The following PTPRO variants were observed in gnomAD, a reference collection of about 807,000 sequenced individuals.
PTPRO encodes protein tyrosine phosphatase receptor type O.
Under a neutral mutation model 145.2 loss-of-function variants are expected in PTPRO, and 62 were observed. That is an observed-to-expected ratio of 0.43 (90% CI 0.35 to 0.53). The LOEUF (loss-of-function observed/expected upper bound fraction) is 0.53. PTPRO is among the 20% of genes least tolerant of loss of function. PTPRO has a pLI of 0.01. For synonymous variants in PTPRO, 565 were observed against 514.7 expected (o/e 1.10, Z -1.32); for missense variants, 1,345 against 1,482.7 (o/e 0.91, Z 1.53).
intron 1 of PTPRO, among the ~76,000 whole-genome samples, chr12:15,437,946 T>C (rs1791359753): frequency 6.6e-6 from 1 of 152,188 alleles, no homozygotes; most frequent in African/African-American, 2.4e-5. Context: ...GTGTATTCTA[T>C]GAATCAACCC....
At chr12:15,574,299 C>T (rs1944128589) in intron 19 of PTPRO, among the ~76,000 whole-genome samples, 1 of 152,016 alleles carries the variant, frequency 6.6e-6, no homozygotes, top group African/African-American at 2.4e-5. Context: ...GTCTTGGGAC[C>T]CAGGGATTAA....
At chr12:15,386,468 ACATAT>A (rs768032108) in intron 1 of PTPRO, among the ~76,000 whole-genome samples, 29 of 152,310 alleles carry the variant, frequency 1.9e-4, no homozygotes, top group Non-Finnish European at 3.8e-4. Flanking sequence ...ATATACATAT[ACATAT>A]ATCTGATAAC....
intron 1 of PTPRO, among the ~76,000 whole-genome samples, chr12:15,444,303 G>C (rs1940846286): frequency 6.6e-6 from 1 of 151,994 alleles, no homozygotes; most frequent in Admixed American, 6.6e-5. Context: ...CGGACATAAA[G>C]ATGGCAACAA....
intron 1 of PTPRO, among the ~76,000 whole-genome samples, chr12:15,375,526 G>A (rs1166644731): frequency 6.6e-6 from 1 of 152,140 alleles, no homozygotes; most frequent in East Asian, 1.9e-4. Context: ...GGGAGGCCAA[G>A]GTGGGTGGAT....
rs780075054 is a variant in PTPRO at position 15,589,449 on chromosome 12, T to C, written c.3411-6T>C. The C allele has an allele frequency of 1.2e-6, 2 of 1,614,076 alleles. No homozygotes were observed. Among genetic ancestry groups the C allele is most frequent in the Non-Finnish European group, 1.7e-6 (2 of 1,179,988 alleles). On this transcript the variant is annotated splice_polypyrimidine_tract_variant and splice_region_variant and intron_variant, in intron 24 of 26. Transcript: ENST00000281171. Reference sequence around the variant, plus strand: ...AATAATATGCCATCGGAACATTCTTTTGCAGTGCTGGCGTGGGACGGACAG... The same window carrying C: ...AATAATATGCCATCGGAACATTCTTCTGCAGTGCTGGCGTGGGACGGACAG...
At chr12:15,339,313 T>C (rs1422540839) in intron 1 of PTPRO, among the ~76,000 whole-genome samples, 1 of 152,130 alleles carries the variant, frequency 6.6e-6, no homozygotes. Context: ...TGGGGACAGA[T>C]TCAGGTCCTG....
chr12:15,332,892 T>G (rs1866652995), intron 1 of PTPRO, among the ~76,000 whole-genome samples: 1 of 152,182 alleles, frequency 6.6e-6, no homozygotes, highest in Admixed American at 6.5e-5. Flanking sequence ...TCATGCATGT[T>G]ATGAATAACT....
chr12:15,337,495 T>G (rs180717894), intron 1 of PTPRO: 1 of 152,338 alleles, frequency 6.6e-6, no homozygotes, highest in East Asian at 1.9e-4. Flanking sequence ...AAACACGTTT[T>G]GTGCAGTATG....
At chr12:15,574,796 C>T (rs1055136057) in intron 19 of PTPRO, among the ~76,000 whole-genome samples, 1 of 152,108 alleles carries the variant, frequency 6.6e-6, no homozygotes, top group African/African-American at 2.4e-5. Context: ...GATTCAGAAA[C>T]AGTAATAGTT....
chr12:15,554,277 G>C (rs1301519648), intron 15 of PTPRO, among the ~76,000 whole-genome samples: 2 of 152,144 alleles, frequency 1.3e-5, no homozygotes, highest in Non-Finnish European at 2.9e-5. Context: ...GAGGATTCCA[G>C]GTCAGAGTTG....
At chr12:15,459,095 C>A (rs1271743348) in intron 1 of PTPRO, among the ~76,000 whole-genome samples, 1 of 152,150 alleles carries the variant, frequency 6.6e-6, no homozygotes, top group East Asian at 1.9e-4. Flanking sequence ...TGCTGGGACT[C>A]ATCTGCATTC....
At chr12:15,360,238 G>C (rs1000348897) in intron 1 of PTPRO, among the ~76,000 whole-genome samples, 44 of 152,058 alleles carry the variant, frequency 2.9e-4, no homozygotes, top group African/African-American at 8.5e-4. Flanking sequence ...TATCAGTGTG[G>C]CTCACTATTA....
Position 15,579,025 on chromosome 12 carries a change from C to A in PTPRO, c.2920+82C>A, listed in dbSNP as rs1030915138. 11 of 1,260,180 alleles carry A rather than the reference C, an allele frequency of 8.7e-6. No individual in the cohort carries two copies. The East Asian group carries it at 2.4e-4, about 27-fold the overall frequency. The allele number at this position is 1,260,180 out of a possible 1,614,324, so 78.1% of individuals were successfully genotyped here. On this transcript the variant is annotated intron_variant, in intron 20 of 26. Transcript: ENST00000281171. ...TTGCAGATTAATCAATTTCACCAAT[C>A]TCTGGCCATACCCACTTGTGGTCCG...
chr12:15,465,322 A>G (rs1941392566), intron 1 of PTPRO, among the ~76,000 whole-genome samples: 1 of 152,254 alleles, frequency 6.6e-6, no homozygotes, highest in Non-Finnish European at 1.5e-5. Flanking sequence ...TGAAGTTAAC[A>G]TTGTGAAATG....
chr12:15,482,481 G>A (rs953933159), intron 1 of PTPRO, among the ~76,000 whole-genome samples: 33 of 151,974 alleles, frequency 2.2e-4, no homozygotes, highest in Non-Finnish European at 1.3e-4. Flanking sequence ...GGACTATATT[G>A]ACACTTTATC....
chr12:15,435,845 C>T (rs994669136), intron 1 of PTPRO, among the ~76,000 whole-genome samples: 6 of 152,184 alleles, frequency 3.9e-5, no homozygotes, highest in Non-Finnish European at 5.9e-5. Flanking sequence ...GAAAACATTT[C>T]TTTCAACATG....
At chr12:15,373,950 C>T (rs1938606252) in intron 1 of PTPRO, among the ~76,000 whole-genome samples, 1 of 152,040 alleles carries the variant, frequency 6.6e-6, no homozygotes, top group Non-Finnish European at 1.5e-5. Flanking sequence ...GGGTCTCTAT[C>T]TTGGAGGTAA....
At chr12:15,594,131 C>T (rs1944608709) in intron 25 of PTPRO, among the ~76,000 whole-genome samples, 1 of 151,954 alleles carries the variant, frequency 6.6e-6, no homozygotes, top group Middle Eastern at 3.4e-3. Flanking sequence ...TTTTTCTTTT[C>T]CAGTTTGTGG....
chr12:15,442,306 TA>T (rs1940790464), intron 1 of PTPRO, among the ~76,000 whole-genome samples: 1 of 152,180 alleles, frequency 6.6e-6, no homozygotes, highest in African/African-American at 2.4e-5. Flanking sequence ...TTTTTTGTGA[TA>T]AAAACCCTCA....
Sources: gnomAD v4.1 joint callset for allele counts (sites outside exome capture counted in the v4.1 genomes callset) on GRCh38, gnomAD v4.1.1 for gene constraint, MANE v1.5 for transcripts, NCBI Gene and HGNC (gene_info 2026-07-23, HGNC 2026-07-21) for gene names.